Variants in VWDE observed in about 807,000 individuals in gnomAD.
The protein encoded by VWDE is von Willebrand factor D and EGF domain-containing protein.
Under a neutral mutation model 178.4 loss-of-function variants are expected in VWDE, and 207 were observed. The observed-to-expected ratio is 1.16, with a 90% CI of 1.04 to 1.30. VWDE has a LOEUF of 1.30. VWDE is among the 50% of genes most tolerant of loss of function. The pLI, the probability that VWDE is intolerant of heterozygous loss-of-function variation, is 0.00. For missense variants in VWDE, 2,287 were observed against 1,901.3 expected (o/e 1.20, Z -3.77); for synonymous variants, 738 against 651.4 (o/e 1.13, Z -2.02).
At position 12,344,306 on chromosome 7, in the gene VWDE, C is replaced by A; in HGVS notation, c.3983-16G>T. The A allele has an allele frequency of 5.8e-6, 9 of 1,550,516 alleles. No individual in the cohort carries two copies. The highest frequency in any genetic ancestry group is 7.0e-6 in the Non-Finnish European group (8 of 1,146,214). On this transcript the variant is annotated splice_polypyrimidine_tract_variant and intron_variant, in intron 20 of 28. Transcript: ENST00000275358. ...TCACAAAGAGCTGTATAAAATAAAG[C>A]CCAAGTTTTAGACATATCAATTACC...
intron 18 of VWDE, among the ~76,000 whole-genome samples, chr7:12,354,663 T>C (rs796930569): frequency 5.0e-4 from 76 of 152,330 alleles, no homozygotes; most frequent in African/African-American, 1.8e-3. Flanking sequence ...TAATCAAATA[T>C]AAAGTCACTA....
intron 18 of VWDE, among the ~76,000 whole-genome samples, chr7:12,352,011 G>C (rs73296594): frequency 0.015 from 2,327 of 152,152 alleles, 53 homozygotes; most frequent in African/African-American, 0.053. Flanking sequence ...CAATAGGACT[G>C]GTGTGCTCAC....
intron 24 of VWDE, among the ~76,000 whole-genome samples, chr7:12,339,139 C>A (rs1468950478): frequency 6.6e-6 from 1 of 152,126 alleles, no homozygotes; most frequent in African/African-American, 2.4e-5. Context: ...GTAAAACCTA[C>A]TCTCTCCCCA....
chr7:12,336,334 G>A lies in VWDE; in HGVS notation c.4559-98C>T, dbSNP rs560962762. On this transcript the variant is annotated intron_variant, in intron 26 of 28. Transcript: ENST00000275358. ...TTCATTAGAGAGAAAAAAAGAAATA[G>A]TTACAAGTAAGTGATTAAAGAAATT... is the stretch of plus-strand genomic sequence containing the variant. 5.5e-5 allele frequency: 55 copies of A among 992,478 alleles called. No homozygotes were observed. In the East Asian group the frequency reaches 1.3e-3, roughly 23 times the overall value. 61.5% of individuals were successfully genotyped at this position (992,478 alleles called of 1,614,324 possible). A position where few individuals can be genotyped will look rare whatever the true frequency, so the allele number is the denominator to read the frequency against.
intron 3 of VWDE, among the ~76,000 whole-genome samples, chr7:12,384,253 G>C (rs1193543088): frequency 6.6e-6 from 1 of 152,052 alleles, no homozygotes; most frequent in African/African-American, 2.4e-5. Context: ...AATCTGAAAA[G>C]GCTACCTACT....
At chr7:12,352,162 A>G (rs1233330339) in intron 18 of VWDE, among the ~76,000 whole-genome samples, 1 of 152,178 alleles carries the variant, frequency 6.6e-6, no homozygotes, top group East Asian at 1.9e-4. Flanking sequence ...GTGAGAAAAT[A>G]AATTTCTGTT....
intron 7 of VWDE, among the ~76,000 whole-genome samples, chr7:12,376,927 G>A (rs535537475): frequency 6.6e-6 from 1 of 150,858 alleles, no homozygotes; most frequent in Non-Finnish European, 1.5e-5. Flanking sequence ...TTATCTTCTT[G>A]TTTCTCTGAT....
intron 6 of VWDE, among the ~76,000 whole-genome samples, chr7:12,378,410 T>C (rs6944134): frequency 0.11 from 16,708 of 152,220 alleles, 1,071 homozygotes; most frequent in Non-Finnish European, 0.14. Flanking sequence ...TTTCTCAGCA[T>C]CTGATTTCCA....
At chr7:12,369,297 G>A (rs1783022758) in intron 12 of VWDE, among the ~76,000 whole-genome samples, 1 of 152,116 alleles carries the variant, frequency 6.6e-6, no homozygotes, top group East Asian at 1.9e-4. Flanking sequence ...CAGGGAATGA[G>A]TTTAGAGAGC....
rs1004704120 is a variant in VWDE at position 12,344,916 on chromosome 7, C to A, written c.3887-447G>T. Among the ~76,000 whole-genome samples the A allele has an allele frequency of 8.6e-5, 13 of 152,020 alleles. 1 individual carries two copies. Among genetic ancestry groups the A allele is most frequent in the South Asian group, 2.1e-4 (1 of 4,806 alleles). On this transcript the variant is annotated intron_variant, in intron 19 of 28. Coordinates refer to ENST00000275358, the MANE Select transcript of VWDE (RefSeq NM_001135924.3). ...TGAAGTGCCAAATGCCCACCGTGAG[C>A]TGAAAAGAATACAGACCACAATGTT...
chr7:12,345,656 G>T (rs1410958206), intron 19 of VWDE, among the ~76,000 whole-genome samples: 1 of 152,122 alleles, frequency 6.6e-6, no homozygotes, highest in African/African-American at 2.4e-5. Flanking sequence ...TGGTGTTCTG[G>T]ATATCATCAT....
At chr7:12,381,640 T>C (rs1783858961) in intron 4 of VWDE, among the ~76,000 whole-genome samples, 2 of 151,986 alleles carry the variant, frequency 1.3e-5, no homozygotes, top group Admixed American at 1.3e-4. Flanking sequence ...ATTTTCAAAT[T>C]TACCTAGTTA....
At chr7:12,381,652 C>G (rs750611097) in intron 4 of VWDE, among the ~76,000 whole-genome samples, 32 of 151,982 alleles carry the variant, frequency 2.1e-4, no homozygotes, top group Non-Finnish European at 4.3e-4. Flanking sequence ...ACCTAGTTAA[C>G]AAATATTTTG....
intron 28 of VWDE, among the ~76,000 whole-genome samples, chr7:12,332,379 C>T (rs1780773013): frequency 6.6e-6 from 1 of 151,944 alleles, no homozygotes; most frequent in Admixed American, 6.6e-5. Context: ...TTAGAAGCAG[C>T]ATTAATGGGG....
chr7:12,400,116 A>G (rs1018361753), intron 1 of VWDE, among the ~76,000 whole-genome samples: 2 of 152,180 alleles, frequency 1.3e-5, no homozygotes, highest in African/African-American at 2.4e-5. Flanking sequence ...CCTATAGTAT[A>G]GGAGAAAAAG....
intron 1 of VWDE, among the ~76,000 whole-genome samples, chr7:12,402,017 G>T (rs1784920457): frequency 6.6e-6 from 1 of 152,096 alleles, no homozygotes; most frequent in Non-Finnish European, 1.5e-5. Context: ...TGATAATACT[G>T]TGCTAGATGA....
At chr7:12,393,828 A>G (rs895736240) in intron 1 of VWDE, 50 bp from the exon 2 acceptor site, 20 of 1,440,046 alleles carry the variant, frequency 1.4e-5, no homozygotes, top group African/African-American at 1.3e-4. Flanking sequence ...GTTTGTTGAC[A>G]TAGTTCGGTC....
Position 12,373,066 on chromosome 7 carries a change from G to A in VWDE, c.1498C>T (p.Arg500Cys), listed in dbSNP as rs200351511. 1.2e-4 allele frequency: 189 copies of A among 1,551,100 alleles called. No homozygotes were observed. The highest frequency in any genetic ancestry group is 1.4e-4 in the Non-Finnish European group (164 of 1,146,706). The change falls in exon 10 of 29, where the codon CGT becomes TGT. Residue 500 changes from arginine (R) to cysteine (C), a missense_variant. Coordinates refer to ENST00000275358, the MANE Select transcript of VWDE (RefSeq NM_001135924.3). ...ATGAACAAATATGGTTGTGATTCAC[G>A]TAGCTGACCATTGCACATATCAAAA... Reference protein sequence around the residue: ...VTFDMCNGQLRESQPYLFIKS... With the variant: ...VTFDMCNGQLCESQPYLFIKS...
chr7:12,333,448 T>C lies in VWDE; in HGVS notation c.4758+17A>G. The C allele has an allele frequency of 6.8e-7, 1 of 1,476,790 alleles. No individual in the cohort carries two copies. Among genetic ancestry groups the C allele is most frequent in the South Asian group, 1.2e-5 (1 of 80,534 alleles). The allele number at this position is 1,476,790 out of a possible 1,614,324, so 91.5% of individuals were successfully genotyped here. On this transcript the variant is annotated intron_variant, in intron 28 of 28. Transcript: ENST00000275358. Reference sequence around the variant, plus strand: ...GTCAATGTCTAATATTTATTTTCTCTTTAAACTCTGAAATACCTGTATTTT... The same window carrying C: ...GTCAATGTCTAATATTTATTTTCTCCTTAAACTCTGAAATACCTGTATTTT...
Sources: allele counts gnomAD v4.1 joint callset (sites outside exome capture counted in the v4.1 genomes callset), GRCh38; gene constraint gnomAD v4.1.1; transcripts MANE v1.5; gene names NCBI Gene and HGNC (gene_info 2026-07-23, HGNC 2026-07-21).